Variants in SNRNP48 observed in about 807,000 individuals in gnomAD.
The protein encoded by SNRNP48 is small nuclear ribonucleoprotein U11/U12 subunit 48.
SNRNP48 carries 43 observed loss-of-function variants against 47.0 expected under a neutral mutation model. The ratio of observed to expected loss-of-function variants is 0.92; its 90% CI spans 0.72 to 1.18. The LOEUF is 1.18. Ranked by LOEUF, SNRNP48 falls within the 50% of genes most tolerant of loss-of-function variation. SNRNP48 has a pLI of 0.00. For synonymous variants in SNRNP48, 138 were observed against 144.0 expected, an observed-to-expected ratio of 0.96 and a Z score of 0.30; for missense variants, 396 against 422.2, an observed-to-expected ratio of 0.94 and a Z score of 0.54.
In SNRNP48 at chr6:7,594,171, G is replaced by C. The variant is rs758680141; in HGVS notation, c.331+12G>C. The C allele has an allele frequency of 5.7e-6, 7 of 1,220,406 alleles. No individual in the cohort carries two copies. Among genetic ancestry groups the C allele is most frequent in the Non-Finnish European group, 7.9e-6 (7 of 887,714 alleles). 75.6% of individuals were successfully genotyped at this position (1,220,406 alleles called of 1,614,324 possible). A position where few individuals can be genotyped will look rare whatever the true frequency, so the allele number is the denominator to read the frequency against. Reference sequence around the variant, plus strand: ...TTCGATTACTTTGAGTAAGTATTAAGTTATTATAATTTAAAAATATCTTAG... The same window carrying C: ...TTCGATTACTTTGAGTAAGTATTAACTTATTATAATTTAAAAATATCTTAG... On this transcript the variant is annotated intron_variant, in intron 3 of 8. Transcript: ENST00000342415.
At position 7,605,491 on chromosome 6, in the gene SNRNP48, G is replaced by C; in HGVS notation, c.806+5G>C. On this transcript the variant is annotated splice_donor_5th_base_variant and intron_variant, in intron 7 of 8. Transcript: ENST00000342415. ...GGCAGAGGATGATGCCGAAAAGTAC[G>C]TCATTATCTTTATTGGTGAAAATAC... 1 of 1,611,294 alleles carries C rather than the reference G, an allele frequency of 6.2e-7. No homozygotes were observed. Among genetic ancestry groups the C allele is most frequent in the Non-Finnish European group, 8.5e-7 (1 of 1,177,692 alleles).
At chr6:7,596,314 C>G (rs926850643) in intron 4 of SNRNP48, among the ~76,000 whole-genome samples, 1 of 151,944 alleles carries the variant, frequency 6.6e-6, no homozygotes, top group African/African-American at 2.4e-5. Flanking sequence ...GTTTAAATTT[C>G]TAATGAATGT....
rs553797756 is a variant in SNRNP48 at position 7,609,753 on chromosome 6, A to G, written c.*880A>G. On this transcript the variant is annotated 3_prime_UTR_variant, in exon 9 of 9. Coordinates refer to ENST00000342415, the MANE Select transcript of SNRNP48 (RefSeq NM_152551.4). ...ATATACTGTCATGTTGTGTTTTGTA[A>G]ATCAACTGAATTGAGGTACTATTTA... 6.6e-6 allele frequency: 1 copy of G among 152,228 alleles called. No homozygotes were observed. Among genetic ancestry groups the G allele is most frequent in the East Asian group, 1.9e-4 (1 of 5,188 alleles). 9.4% of individuals were successfully genotyped at this position (152,228 alleles called of 1,614,324 possible).
At chr6:7,608,348 G>C (rs770897008) in intron 8 of SNRNP48, among the ~76,000 whole-genome samples, 42 of 152,256 alleles carry the variant, frequency 2.8e-4, no homozygotes, top group Non-Finnish European at 4.6e-4. Context: ...CCTGAGGTCA[G>C]GAGTTCGAGA....
chr6:7,608,756 T>TGGTGTATTACTGTTGAAC, intron 8 of SNRNP48, 69 bp from the exon 9 acceptor site: 1 of 808,850 alleles, frequency 1.2e-6, no homozygotes, highest in Non-Finnish European at 1.9e-6. Flanking sequence ...TACTGTTGAA[T>TGGTGTATTACTGTTGAAC]TATTTTAAAG....
chr6:7,605,279 G>A (rs1760104514), intron 6 of SNRNP48, 119 bp from the exon 7 acceptor site: 3 of 744,462 alleles, frequency 4.0e-6, no homozygotes, highest in Non-Finnish European at 6.8e-6. Context: ...AAGTCCCACA[G>A]TCAATTATGT....
rs544504919 is a variant in SNRNP48, at chr6:7,598,191, A to G, written c.406+3090A>G. Among the ~76,000 whole-genome samples the G allele has an allele frequency of 5.3e-5, 8 of 150,824 alleles. No homozygotes were observed. In the East Asian group the frequency reaches 1.6e-3, roughly 30 times the overall value. ...CAACGGTAACTTTATATGATCTTCAACCTTCTTTAAAAATTTTTTTTGGCC... is the reference window on the plus strand; with the variant it reads ...CAACGGTAACTTTATATGATCTTCAGCCTTCTTTAAAAATTTTTTTTGGCC... On this transcript the variant is annotated intron_variant, in intron 4 of 8. Coordinates refer to ENST00000342415, the MANE Select transcript of SNRNP48 (RefSeq NM_152551.4).
chr6:7,590,458 G>C lies in SNRNP48; in HGVS notation c.156+45G>C, dbSNP rs557590299. 293 of 1,268,014 alleles carry C rather than the reference G, an allele frequency of 2.3e-4. 1 individual carries two copies. In the African/African-American group the frequency reaches 4.0e-3, roughly 17 times the overall value. 78.5% of individuals were successfully genotyped at this position (1,268,014 alleles called of 1,614,324 possible). On this transcript the variant is annotated intron_variant, in intron 1 of 8. Coordinates refer to ENST00000342415, the MANE Select transcript of SNRNP48 (RefSeq NM_152551.4). ...GGCCCTTTCGGGGACTATCGGCCCGGGGTCTTCTCTGGAAGAAGGGAGATC... is the reference window on the plus strand; with the variant it reads ...GGCCCTTTCGGGGACTATCGGCCCGCGGTCTTCTCTGGAAGAAGGGAGATC...
chr6:7,591,085 G>A (rs1759808115), intron 1 of SNRNP48, among the ~76,000 whole-genome samples: 2 of 152,348 alleles, frequency 1.3e-5, no homozygotes, highest in Admixed American at 1.3e-4. Context: ...GCTGCAGAGG[G>A]ATTGGCGGTT....
chr6:7,590,255 G>T lies in SNRNP48; in HGVS notation c.-3G>T, dbSNP rs371171013. ...GCTTCCTCTTGGCGGGTGGGCTGCA[G>T]CTATGGAGGGCGAGCCTCCACCTGT... On this transcript the variant is annotated 5_prime_UTR_variant, in exon 1 of 9. Transcript: ENST00000342415. 3.3e-5 allele frequency: 44 copies of T among 1,325,838 alleles called. No homozygotes were observed. Among genetic ancestry groups the T allele is most frequent in the East Asian group, 1.4e-4 (5 of 35,088 alleles). The allele number at this position is 1,325,838 out of a possible 1,614,324, so 82.1% of individuals were successfully genotyped here. A position where few individuals can be genotyped will look rare whatever the true frequency, so the allele number is the denominator to read the frequency against.
At chr6:7,595,833 T>G (rs1759895140) in intron 4 of SNRNP48, among the ~76,000 whole-genome samples, 1 of 152,230 alleles carries the variant, frequency 6.6e-6, no homozygotes, top group East Asian at 1.9e-4. Flanking sequence ...TTTCAGAGGA[T>G]TCATATTAAT....
At chr6:7,593,637 A>G in intron 1 of SNRNP48, 97 bp from the exon 2 acceptor site, 1 of 714,810 alleles carries the variant, frequency 1.4e-6, no homozygotes, top group Non-Finnish European at 2.2e-6. Context: ...GATGCACTAT[A>G]CAGTACTGGT....
At chr6:7,594,887 A>G (rs1224979932) in intron 3 of SNRNP48, 140 bp from the exon 4 acceptor site, 2 of 647,132 alleles carry the variant, frequency 3.1e-6, no homozygotes, top group African/African-American at 1.9e-5. Context: ...CAGATTTCAT[A>G]GACAGGGATG....
intron 1 of SNRNP48, among the ~76,000 whole-genome samples, chr6:7,592,757 C>T (rs548636739): frequency 2.0e-5 from 3 of 151,900 alleles, no homozygotes; most frequent in Non-Finnish European, 2.9e-5. Context: ...TGAGAGAGAG[C>T]GAGCGAGCGT....
chr6:7,598,041 A>AT (rs935468018), intron 4 of SNRNP48, among the ~76,000 whole-genome samples: 3 of 150,680 alleles, frequency 2.0e-5, no homozygotes, highest in East Asian at 4.0e-4. Context: ...ATTTTCTTGT[A>AT]TTTTTTTAGT....
At chr6:7,601,130 AT>A (rs11306344) in intron 4 of SNRNP48, 185,163 of 347,648 alleles carry the variant, frequency 0.53, 33,560 homozygotes, top group African/African-American at 0.69. Context: ...TCCATAATAC[AT>A]TTTTTTTTTT....
In SNRNP48 at chr6:7,601,080, A is replaced by G. The variant is rs113993261; in HGVS notation, c.407-256A>G. The G allele has an allele frequency of 5.3e-3, 1,483 of 277,736 alleles. 6 individuals carry two copies. Among genetic ancestry groups the G allele is most frequent in the Non-Finnish European group, 6.7e-3 (1,006 of 151,220 alleles). 17.2% of individuals were successfully genotyped at this position (277,736 alleles called of 1,614,324 possible). A position where few individuals can be genotyped will look rare whatever the true frequency, so the allele number is the denominator to read the frequency against. ...CTTATGATTATTCCTGCCTGCCTCC[A>G]TGGGATCTGTCTTTATATTGTTGGA... On this transcript the variant is annotated intron_variant, in intron 4 of 8. Coordinates refer to ENST00000342415, the MANE Select transcript of SNRNP48 (RefSeq NM_152551.4).
rs559820554 is a variant in SNRNP48, at chr6:7,610,032, C to T, written c.*1159C>T. ...GTAGTATGTACTTTGCCTTCTTCCT[C>T]TCTGCAGATTTTTGAGATTGATCCC... On this transcript the variant is annotated 3_prime_UTR_variant, in exon 9 of 9. Transcript: ENST00000342415. The T allele has an allele frequency of 6.6e-6, 1 of 152,300 alleles. No homozygotes were observed. The highest frequency in any genetic ancestry group is 2.1e-4 in the South Asian group (1 of 4,828). 9.4% of individuals were successfully genotyped at this position (152,300 alleles called of 1,614,324 possible). A position where few individuals can be genotyped will look rare whatever the true frequency, so the allele number is the denominator to read the frequency against.
At chr6:7,591,650 G>A (rs1414770206) in intron 1 of SNRNP48, among the ~76,000 whole-genome samples, 1 of 152,134 alleles carries the variant, frequency 6.6e-6, no homozygotes, top group Non-Finnish European at 1.5e-5. Flanking sequence ...TCAGCATTGC[G>A]GTAACATTGG....
Sources: gnomAD v4.1 joint callset for allele counts (sites outside exome capture counted in the v4.1 genomes callset) on GRCh38, gnomAD v4.1.1 for gene constraint, MANE v1.5 for transcripts, NCBI Gene and HGNC (gene_info 2026-07-23, HGNC 2026-07-21) for gene names.